Variants in EPM2A observed in about 807,000 individuals in gnomAD.
EPM2A encodes laforin.
Under a neutral mutation model 26.5 loss-of-function variants are expected in EPM2A, and 21 were observed. The observed-to-expected ratio is 0.79, with a 90% confidence interval of 0.56 to 1.14. The LOEUF is 1.14. EPM2A is among the 50% of genes most tolerant of loss of function. EPM2A has a pLI of 0.00. For synonymous variants in EPM2A, 217 were observed against 177.6 expected, an observed-to-expected ratio of 1.22 and a Z score of -1.76; for missense variants, 458 against 440.8, an observed-to-expected ratio of 1.04 and a Z score of -0.35.
At chr6:145,583,148 T>C (rs184717133) in intron 2 of EPM2A, among the ~76,000 whole-genome samples, 207 of 152,342 alleles carry the variant, frequency 1.4e-3, no homozygotes, top group Non-Finnish European at 2.0e-3. Flanking sequence ...CTGAATTCTA[T>C]GTCCATCATT....
intron 4 of EPM2A, among the ~76,000 whole-genome samples, chr6:145,406,840 C>T (rs533840589): frequency 6.6e-6 from 1 of 152,246 alleles, no homozygotes; most frequent in African/African-American, 2.4e-5. Flanking sequence ...CCTTAGGTCA[C>T]ATTTCAGACT....
intron 2 of EPM2A, among the ~76,000 whole-genome samples, chr6:145,617,006 G>A (rs1383675477): frequency 6.6e-6 from 1 of 152,162 alleles, no homozygotes; most frequent in Non-Finnish European, 1.5e-5. Flanking sequence ...ACTGCTGGGA[G>A]GGCATCATTG....
chr6:145,489,994 C>T (rs550777575), intron 4 of EPM2A: 2 of 1,377,954 alleles, frequency 1.5e-6, no homozygotes, highest in Admixed American at 3.7e-5. Flanking sequence ...TGTCCTGGAG[C>T]AGATCTGGAT....
intron 3 of EPM2A, chr6:145,632,067 T>A (rs1776302985): frequency 6.6e-6 from 1 of 152,198 alleles, no homozygotes. Context: ...AACTTTGTGA[T>A]TTTCAAAGCC....
At chr6:145,506,142 A>G (rs419847) in intron 2 of EPM2A, among the ~76,000 whole-genome samples, 68,133 of 151,766 alleles carry the variant, frequency 0.45, 15,277 homozygotes, top group South Asian at 0.58. Context: ...AGGACTTCAC[A>G]CTACAGTTTC....
At chr6:145,421,553 C>T (rs1582742270) in intron 4 of EPM2A, among the ~76,000 whole-genome samples, 1 of 150,984 alleles carries the variant, frequency 6.6e-6, no homozygotes, top group South Asian at 2.1e-4. Context: ...TTAAGGACTA[C>T]CACTAAAGAG....
chr6:145,592,178 A>T (rs1290414531), intron 2 of EPM2A, among the ~76,000 whole-genome samples: 2 of 106,258 alleles, frequency 1.9e-5, no homozygotes, highest in Non-Finnish European at 1.7e-5. Flanking sequence ...ACCCCATGAC[A>T]GGCCCAGGTG....
chr6:145,449,495 G>A (rs762793942), intron 4 of EPM2A, among the ~76,000 whole-genome samples: 6 of 152,096 alleles, frequency 3.9e-5, no homozygotes, highest in Admixed American at 1.3e-4. Context: ...CTTTTACCCC[G>A]TTTATCTAAG....
chr6:145,566,009 A>T (rs953521331), intron 2 of EPM2A, among the ~76,000 whole-genome samples: 11 of 152,220 alleles, frequency 7.2e-5, no homozygotes, highest in African/African-American at 2.4e-5. Context: ...CCTTGAGGTT[A>T]GGAACAAAAA....
At chr6:145,475,721 T>C (rs766222276) in intron 4 of EPM2A, among the ~76,000 whole-genome samples, 3 of 152,042 alleles carry the variant, frequency 2.0e-5, no homozygotes, top group Admixed American at 1.3e-4. Context: ...TAAGTAGTTA[T>C]CAGGTTAAAA....
intron 4 of EPM2A, among the ~76,000 whole-genome samples, chr6:145,388,848 CT>C (rs1268469826): frequency 6.6e-6 from 1 of 152,080 alleles, no homozygotes; most frequent in Non-Finnish European, 1.5e-5. Flanking sequence ...TGAATTCATC[CT>C]TTTTTATGGT....
chr6:145,448,965 T>C (rs1053896100), intron 4 of EPM2A, among the ~76,000 whole-genome samples: 2 of 152,314 alleles, frequency 1.3e-5, no homozygotes, highest in African/African-American at 4.8e-5. Context: ...AAATAAATAG[T>C]ACAAAATGTA....
chr6:145,724,529 G>C (rs1260606833), intron 1 of EPM2A, among the ~76,000 whole-genome samples: 1 of 151,976 alleles, frequency 6.6e-6, no homozygotes, highest in African/African-American at 2.4e-5. Context: ...ATTTTGAAAA[G>C]CATATGACCA....
intron 4 of EPM2A, among the ~76,000 whole-genome samples, chr6:145,406,645 C>T (rs568558885): frequency 4.5e-4 from 68 of 152,252 alleles, no homozygotes; most frequent in Middle Eastern, 6.8e-3. Context: ...AACAAAGACA[C>T]TTGGTCAGAG....
rs555726763 is a variant in EPM2A at position 145,531,024 on chromosome 6, G to A, written c.341-28449C>T. The stretch of plus-strand genomic sequence containing the variant: ...TGCTCATTTCTTTCTCTCCTTTGCA[G>A]CAAAACATAGAAAGATATGGTGTCT... On this transcript the variant is annotated intron_variant, in intron 2 of 3. Transcript: ENST00000450221. 2.0e-5 allele frequency among the ~76,000 whole-genome samples: 3 copies of A among 152,258 alleles called. No homozygotes were observed. The East Asian group carries it at 5.8e-4, about 29-fold the overall frequency.
At chr6:145,715,021 G>A (rs1421453745) in intron 1 of EPM2A, among the ~76,000 whole-genome samples, 1 of 152,136 alleles carries the variant, frequency 6.6e-6, no homozygotes, top group Non-Finnish European at 1.5e-5. Flanking sequence ...AGTGAAAAAG[G>A]AGCACCTCCT....
chr6:145,503,590 A>G (rs1462278283), intron 2 of EPM2A, among the ~76,000 whole-genome samples: 1 of 89,992 alleles, frequency 1.1e-5, no homozygotes, highest in Non-Finnish European at 2.2e-5. Context: ...AAGGAAATAA[A>G]AGAGGACACA....
chr6:145,440,793 A>C (rs893878410), intron 4 of EPM2A, among the ~76,000 whole-genome samples: 1 of 152,244 alleles, frequency 6.6e-6, no homozygotes, highest in Non-Finnish European at 1.5e-5. Context: ...TTGATGTAAC[A>C]GGTGGGCTCC....
At chr6:145,547,128 A>C (rs1208771328) in intron 2 of EPM2A, among the ~76,000 whole-genome samples, 3 of 152,070 alleles carry the variant, frequency 2.0e-5, no homozygotes, top group African/African-American at 4.8e-5. Flanking sequence ...GACAGCTATA[A>C]ATAAACCAAA....
Sources: allele counts gnomAD v4.1 joint callset (sites outside exome capture counted in the v4.1 genomes callset), GRCh38; gene constraint gnomAD v4.1.1; transcripts MANE v1.5; gene names NCBI Gene and HGNC (gene_info 2026-07-23, HGNC 2026-07-21).